Variants in C6 observed in about 807,000 individuals in gnomAD.
C6 encodes complement C6, also known as complement component C6.
C6 carries 101 observed loss-of-function variants against 112.9 expected under a neutral mutation model. The ratio of observed to expected loss-of-function variants is 0.89; its 90% CI spans 0.76 to 1.06. C6 has a LOEUF of 1.06. Ranked by LOEUF, C6 falls within the 50% of genes least tolerant of loss-of-function variation. C6 has a pLI of 0.00. For missense variants in C6, 1,202 were observed against 1,104.6 expected (o/e 1.09, Z -1.25); for synonymous variants, 431 against 384.1 (o/e 1.12, Z -1.43).
At chr5:41,258,011 C>A (rs1249533838) in intron 1 of C6, among the ~76,000 whole-genome samples, 2 of 151,918 alleles carry the variant, frequency 1.3e-5, no homozygotes, top group Non-Finnish European at 2.9e-5. Flanking sequence ...TCATTTTTTT[C>A]TACCCAATCA....
intron 9 of C6, 49 bp from the exon 10 acceptor site, chr5:41,161,908 C>G (rs1486748585): frequency 6.3e-7 from 1 of 1,584,062 alleles, no homozygotes; most frequent in African/African-American, 1.3e-5. Context: ...GTGCAAATTC[C>G]TATTCTAAAA....
At chr5:41,207,056 A>G (rs1751494455) in intron 1 of C6, among the ~76,000 whole-genome samples, 1 of 152,234 alleles carries the variant, frequency 6.6e-6, no homozygotes, top group Non-Finnish European at 1.5e-5. Flanking sequence ...GCCAGAAGAG[A>G]GTAGGGGCCA....
chr5:41,222,120 C>G (rs948189707), intron 1 of C6, among the ~76,000 whole-genome samples: 9 of 150,168 alleles, frequency 6.0e-5, no homozygotes, highest in Non-Finnish European at 1.3e-4. Flanking sequence ...GAGCCGAGAT[C>G]ATGCCATTGC....
chr5:41,192,576 T>C (rs763579860), intron 5 of C6, among the ~76,000 whole-genome samples: 1 of 152,154 alleles, frequency 6.6e-6, no homozygotes, highest in Non-Finnish European at 1.5e-5. Context: ...GTCTGTTTTC[T>C]ATTTCTTCTT....
chr5:41,176,577 G>A lies in C6; in HGVS notation c.1066C>T (p.Arg356Ter), dbSNP rs751375135. ...TGAGTCCCAAAGTCATCGAATATTC[G>A]GCTGTACAAAGCAGAGTTGTATTCT... is the stretch of plus-strand genomic sequence containing the variant. ...PLEYNSALYSRIFDDFGTHYF... is the reference protein window; with the variant it reads ...PLEYNSALYS Residue 356 changes from arginine (R) to a stop codon, truncating the protein, a stop_gained, in exon 8 of 18, where the codon CGA (arginine) becomes TGA (stop). Coordinates refer to ENST00000337836, the MANE Select transcript of C6 (RefSeq NM_000065.5). LOFTEE classifies it high-confidence loss of function. 31 of 1,613,850 alleles carry A rather than the reference G, an allele frequency of 1.9e-5. No individual in the cohort carries two copies. Among genetic ancestry groups the A allele is most frequent in the Non-Finnish European group, 2.5e-5 (30 of 1,179,868 alleles).
chr5:41,204,611 T>C (rs1238706240), intron 1 of C6, among the ~76,000 whole-genome samples: 2 of 152,086 alleles, frequency 1.3e-5, no homozygotes, highest in East Asian at 1.9e-4. Flanking sequence ...AAATTGTTTT[T>C]TCAGTATGTT....
intron 14 of C6, among the ~76,000 whole-genome samples, 176 bp downstream of exon 14, chr5:41,154,796 G>T (rs962016110): frequency 3.9e-5 from 6 of 152,158 alleles, no homozygotes; most frequent in Non-Finnish European, 7.3e-5. Context: ...AGATAATCTG[G>T]AAATCCAGTT....
chr5:41,240,788 C>A (rs1740658177), intron 1 of C6, among the ~76,000 whole-genome samples: 1 of 152,036 alleles, frequency 6.6e-6, no homozygotes, highest in Non-Finnish European at 1.5e-5. Flanking sequence ...GGGGTGATAC[C>A]CCAGGTCCCT....
chr5:41,162,022 C>A (rs915534732), intron 9 of C6, among the ~76,000 whole-genome samples, 163 bp from the exon 10 acceptor site: 1 of 152,182 alleles, frequency 6.6e-6, no homozygotes. Flanking sequence ...CTCCTCCTCC[C>A]TGTAGGGAGT....
At chr5:41,167,161 A>G (rs541127579) in intron 9 of C6, among the ~76,000 whole-genome samples, 8 of 152,272 alleles carry the variant, frequency 5.3e-5, no homozygotes, top group Admixed American at 4.6e-4. Flanking sequence ...AGAGAAAAAG[A>G]GCAAAATTTT....
In C6 at chr5:41,173,883, T is replaced by C. The variant is rs191791682; in HGVS notation, c.1169-1536A>G. Among the ~76,000 whole-genome samples the C allele has an allele frequency of 7.3e-3, 1,118 of 152,270 alleles. 13 individuals are homozygous for C. Among genetic ancestry groups the C allele is most frequent in the Non-Finnish European group, 0.012 (839 of 68,028 alleles). Reference sequence around the variant, plus strand: ...TATTCAACCCTAACAAAAAGATGGTTGTTTCAGTCTGGTTGAATAAATATA... The same window carrying C: ...TATTCAACCCTAACAAAAAGATGGTCGTTTCAGTCTGGTTGAATAAATATA... On this transcript the variant is annotated intron_variant, in intron 8 of 17. Transcript: ENST00000337836.
intron 1 of C6, among the ~76,000 whole-genome samples, chr5:41,232,863 G>A (rs998261991): frequency 6.6e-6 from 1 of 151,322 alleles, no homozygotes; most frequent in Non-Finnish European, 1.5e-5. Flanking sequence ...TATTTTATTA[G>A]CATTTATATC....
At position 41,247,672 on chromosome 5, in the gene C6, C is replaced by T. The variant is rs532693429; in HGVS notation, c.-21+13522G>A. On this transcript the variant is annotated intron_variant, in intron 1 of 17. Transcript: ENST00000263413. Reference sequence around the variant, plus strand: ...GGTGGAGCCTGCAGTGAGCCGAGATCGCGCCACTGCACTCCAGCCTGGGTG... The same window carrying T: ...GGTGGAGCCTGCAGTGAGCCGAGATTGCGCCACTGCACTCCAGCCTGGGTG... Among the ~76,000 whole-genome samples, 117 of 149,214 alleles carry T rather than the reference C, an allele frequency of 7.8e-4. 2 individuals carry two copies. Among genetic ancestry groups the T allele is most frequent in the Admixed American group, 3.1e-3 (47 of 15,000 alleles).
intron 5 of C6, chr5:41,186,427 C>G: frequency 5.4e-6 from 3 of 557,256 alleles, no homozygotes; most frequent in Non-Finnish European, 9.6e-6. Context: ...ATTAGGTTCT[C>G]CTATTCCACT....
intron 1 of C6, among the ~76,000 whole-genome samples, chr5:41,236,417 G>T (rs1359312099): frequency 6.6e-6 from 1 of 151,450 alleles, no homozygotes; most frequent in African/African-American, 2.4e-5. Context: ...TCAGGATTAA[G>T]AATCTCACTC....
Position 41,149,429 on chromosome 5 carries a change from G to C in C6, c.2435C>G (p.Thr812Ser). The change falls in exon 17 of 18, where the codon ACT becomes AGT. Residue 812 changes from threonine to serine, a missense_variant. Coordinates refer to ENST00000337836, the MANE Select transcript of C6 (RefSeq NM_000065.5). ...AGCCAAAAACTTACAAGCGGGTGAA[G>C]TAAAGTAATCGTTGGAGTCTGTGTC... ...VFDTDSNDYF[T>S]SPACKFLAEK... 6.2e-7 allele frequency: 1 copy of C among 1,614,086 alleles called. No individual in the cohort carries two copies.
chr5:41,252,390 A>C (rs1205966082), intron 1 of C6, among the ~76,000 whole-genome samples: 1 of 151,876 alleles, frequency 6.6e-6, no homozygotes, highest in Non-Finnish European at 1.5e-5. Context: ...GCCTCATTAT[A>C]CCCCTCCCTT....
intron 8 of C6, among the ~76,000 whole-genome samples, 167 bp downstream of exon 8, chr5:41,176,308 T>A (rs1748839018): frequency 6.6e-6 from 1 of 152,242 alleles, no homozygotes; most frequent in Admixed American, 6.5e-5. Context: ...TTTCTATTTT[T>A]GTTTTATTTA....
rs75725653 is a variant in C6, at chr5:41,189,357, A to C, written c.588-3149T>G. On this transcript the variant is annotated intron_variant, in intron 5 of 17. Transcript: ENST00000337836. ...CATAGCAGCATTACTCATACTAGTC[A>C]AAGTAGGAACAAACCAAATGTTCAT... Among the ~76,000 whole-genome samples the C allele has an allele frequency of 1.4e-3, 208 of 152,220 alleles. 6 individuals are homozygous for C. In the East Asian group the frequency reaches 0.038, roughly 28 times the overall value.
Sources: allele counts gnomAD v4.1 joint callset (sites outside exome capture counted in the v4.1 genomes callset), GRCh38; gene constraint gnomAD v4.1.1; transcripts MANE v1.5; gene names NCBI Gene and HGNC (gene_info 2026-07-23, HGNC 2026-07-21).